ZSCAN5A: variants seen among roughly 807,000 people sequenced by gnomAD.
ZSCAN5A encodes zinc finger and SCAN domain containing 5A.
In ZSCAN5A, 12 loss-of-function variants were observed where a neutral mutation model predicts 23.7. The observed-to-expected ratio is 0.51, with a 90% CI of 0.32 to 0.82. The LOEUF (loss-of-function observed/expected upper bound fraction) is 0.82, where lower values mean the gene tolerates loss of function less well. Ranked by LOEUF, ZSCAN5A falls within the 40% of genes least tolerant of loss-of-function variation. ZSCAN5A has a pLI of 0.03. For missense variants in ZSCAN5A, 597 were observed against 617.9 expected (o/e 0.97, Z 0.36); for synonymous variants, 257 against 239.9 (o/e 1.07, Z -0.66).
rs1312034060 is a variant in ZSCAN5A at position 56,352,505 on chromosome 19, A to T, written c.-358+10730T>A. Among the ~76,000 whole-genome samples, 1 of 152,246 alleles carries T rather than the reference A, an allele frequency of 6.6e-6. No individual in the cohort carries two copies. The highest frequency in any genetic ancestry group is 1.5e-5 in the Non-Finnish European group (1 of 68,050). On this transcript the variant is annotated intron_variant, in intron 2 of 6. Transcript: ENST00000587340. This position sits in a 1 kb window ranked among gnomAD's most constrained non-coding sequence, Gnocchi z 4.2. Reference sequence around the variant, plus strand: ...AATGTGAGACTGTTAGATGTAAAAGAAAAAATATTCTGACACTTGGGTAAA... The same window carrying T: ...AATGTGAGACTGTTAGATGTAAAAGTAAAAATATTCTGACACTTGGGTAAA...
chr19:56,278,094 A>G (rs1484012003), intron 2 of ZSCAN5A, among the ~76,000 whole-genome samples: 1 of 134,886 alleles, frequency 7.4e-6, no homozygotes, highest in East Asian at 2.0e-4. Context: ...GTCTGTCACA[A>G]TGTGCTATTT....
intron 2 of ZSCAN5A, among the ~76,000 whole-genome samples, chr19:56,288,586 C>G (rs1482080584): frequency 6.6e-6 from 1 of 152,190 alleles, no homozygotes; most frequent in African/African-American, 2.4e-5. Flanking sequence ...TGGGTCTGGC[C>G]TGCCTTGCTT....
intron 2 of ZSCAN5A, chr19:56,282,938 T>C (rs952304659): frequency 6.6e-6 from 1 of 152,264 alleles, no homozygotes; most frequent in Non-Finnish European, 1.5e-5. Context: ...AATGAGACCA[T>C]GGCTTTGTCA....
upstream of ZSCAN5A, chr19:56,316,035 G>A (rs1311397243): frequency 3.3e-5 from 5 of 152,216 alleles, no homozygotes; most frequent in Admixed American, 6.5e-5. Context: ...GCACACACGA[G>A]CAGTGGTGTT....
chr19:56,325,949 T>C (rs2041428485), intron 2 of ZSCAN5A, among the ~76,000 whole-genome samples: 1 of 152,088 alleles, frequency 6.6e-6, no homozygotes. Context: ...GTTTTTTTTT[T>C]TGAGATGGAG....
At chr19:56,230,062 T>C (rs1366228319) in intron 2 of ZSCAN5A, among the ~76,000 whole-genome samples, 2 of 152,140 alleles carry the variant, frequency 1.3e-5, no homozygotes. Context: ...TGAATTTGGA[T>C]GCCCTTTATT....
At chr19:56,296,426 T>C (rs1028374836) in intron 2 of ZSCAN5A, 1 of 151,798 alleles carries the variant, frequency 6.6e-6, no homozygotes, top group Non-Finnish European at 1.5e-5. Flanking sequence ...GTACTGGTTT[T>C]TTCTATGGTG....
At chr19:56,242,049 C>T (rs1001781002) in intron 2 of ZSCAN5A, among the ~76,000 whole-genome samples, 4 of 152,148 alleles carry the variant, frequency 2.6e-5, no homozygotes, top group African/African-American at 9.6e-5. Context: ...CCTCTGTGTA[C>T]CTGCCCCGGA....
At chr19:56,322,378 C>T in intron 2 of ZSCAN5A, 1 of 724,448 alleles carries the variant, frequency 1.4e-6, no homozygotes, top group South Asian at 1.4e-5. Flanking sequence ...CACCTCTCAG[C>T]CGGCAGGCTT....
At chr19:56,278,184 C>A (rs1312432807) in intron 2 of ZSCAN5A, among the ~76,000 whole-genome samples, 1 of 151,724 alleles carries the variant, frequency 6.6e-6, no homozygotes, top group Non-Finnish European at 1.5e-5. Flanking sequence ...TACAGTGGCA[C>A]GGTCTCGGCT....
rs950540545 is a variant in ZSCAN5A at position 56,333,089 on chromosome 19, A to AT, written c.-357-16822dup. 8.3e-4 allele frequency among the ~76,000 whole-genome samples: 119 copies of AT among 143,646 alleles called. 1 individual carries two copies. The highest frequency in any genetic ancestry group is 1.9e-3 in the African/African-American group (74 of 39,330). 94.2% of individuals were successfully genotyped at this position (143,646 alleles called of 152,430 possible). The stretch of plus-strand genomic sequence containing the variant: ...ACATTTTTCTGTAGCTGTCTTTAAG[A>AT]TTTTTTTTTTTTAGTATTGATGGTA... On this transcript the variant is annotated intron_variant, in intron 2 of 6. Coordinates refer to the ZSCAN5A transcript ENST00000587340.
intron 2 of ZSCAN5A, chr19:56,320,174 T>G: frequency 1.4e-6 from 1 of 696,502 alleles, no homozygotes; most frequent in Admixed American, 1.8e-5. Flanking sequence ...ACTTCCTGGT[T>G]GTTTCAAGTT....
intron 2 of ZSCAN5A, chr19:56,284,053 C>T: frequency 2.8e-6 from 1 of 360,340 alleles, no homozygotes; most frequent in Non-Finnish European, 3.9e-6. Flanking sequence ...TTCTACTTCC[C>T]AATCTGTTCC....
In ZSCAN5A at chr19:56,257,516, C is replaced by T. The variant is rs566999540; in HGVS notation, c.-127-32343G>A. On this transcript the variant is annotated intron_variant, in intron 2 of 5. Transcript: ENST00000683990. Reference sequence around the variant, plus strand: ...AGCTGGTCCCCTTTCACACCTGGCTCCTGCCTCCCACCACTGCCCATCTTC... The same window carrying T: ...AGCTGGTCCCCTTTCACACCTGGCTTCTGCCTCCCACCACTGCCCATCTTC... Among the ~76,000 whole-genome samples the T allele has an allele frequency of 3.3e-5, 5 of 152,238 alleles. No homozygotes were observed. The East Asian group carries it at 9.7e-4, about 29-fold the overall frequency.
rs531768127 is a variant in ZSCAN5A, at chr19:56,226,476, T to C, written c.-127-1303A>G. ...AGCAGGTCTAGGAAAAGGTGCTCAT[T>C]ATCACTCATCATCAGGGACATGCAA... On this transcript the variant is annotated intron_variant, in intron 2 of 5. Coordinates refer to ENST00000683990, the MANE Select transcript of ZSCAN5A (RefSeq NM_001322064.3). 4.4e-3 allele frequency among the ~76,000 whole-genome samples: 662 copies of C among 151,528 alleles called. 3 individuals carry two copies. Among genetic ancestry groups the C allele is most frequent in the African/African-American group, 0.015 (627 of 40,972 alleles).
chr19:56,318,184 T>C (rs1038320426), upstream of ZSCAN5A, among the ~76,000 whole-genome samples: 1 of 152,116 alleles, frequency 6.6e-6, no homozygotes, highest in Non-Finnish European at 1.5e-5. Context: ...AGCATGCGTA[T>C]ATGTGTTCTG....
upstream of ZSCAN5A, among the ~76,000 whole-genome samples, chr19:56,319,498 G>GGAAAA (rs752672172): frequency 8.9e-5 from 7 of 78,404 alleles, no homozygotes; most frequent in South Asian, 4.7e-4. Flanking sequence ...TCCATCTCGG[G>GGAAAA]AAAAAAAAAA....
chr19:56,303,872 G>C (rs186999148), intron 2 of ZSCAN5A, among the ~76,000 whole-genome samples: 15 of 152,260 alleles, frequency 9.9e-5, no homozygotes, highest in African/African-American at 3.6e-4. Context: ...GAGCAGCTTG[G>C]GGGCAACCAC....
rs371865101 is a variant in ZSCAN5A, at chr19:56,235,518, C to T, written c.-127-10345G>A. Among the ~76,000 whole-genome samples the T allele has an allele frequency of 1.6e-4, 13 of 80,516 alleles. No homozygotes were observed. The East Asian group carries it at 4.8e-3, about 30-fold the overall frequency. The allele number at this position is 80,516 out of a possible 152,430, so 52.8% of individuals were successfully genotyped here. A position where few individuals can be genotyped will look rare whatever the true frequency, so the allele number is the denominator to read the frequency against. ...AGTCTCCACTCCAGCCTCTGATGGACGGTGGGCCAAGCCTCCACTCCAGCC... is the reference window on the plus strand; with the variant it reads ...AGTCTCCACTCCAGCCTCTGATGGATGGTGGGCCAAGCCTCCACTCCAGCC... On this transcript the variant is annotated intron_variant, in intron 2 of 5. Coordinates refer to ENST00000683990, the MANE Select transcript of ZSCAN5A (RefSeq NM_001322064.3).
Sources: allele counts gnomAD v4.1 joint callset (sites outside exome capture counted in the v4.1 genomes callset), GRCh38; gene constraint gnomAD v4.1.1; non-coding constraint Gnocchi (gnomAD v3.1); transcripts MANE v1.5; gene names NCBI Gene and HGNC (gene_info 2026-07-23, HGNC 2026-07-21).